Variants in STYK1 observed in about 807,000 individuals in gnomAD.
STYK1 encodes tyrosine-protein kinase STYK1.
Under a neutral mutation model 48.1 loss-of-function variants are expected in STYK1, and 46 were observed. The ratio of observed to expected loss-of-function variants is 0.96; its 90% confidence interval spans 0.75 to 1.22. The LOEUF (loss-of-function observed/expected upper bound fraction) is 1.22, where lower values mean the gene tolerates loss of function less well. Among genes scored for constraint, STYK1 ranks in the 50% most tolerant of loss-of-function variants. STYK1 has a pLI of 0.00. For missense variants in STYK1, 527 were observed against 521.1 expected, an observed-to-expected ratio of 1.01 and a Z score of -0.11; for synonymous variants, 188 against 189.0, an observed-to-expected ratio of 0.99 and a Z score of 0.04.
intron 1 of STYK1, among the ~76,000 whole-genome samples, chr12:10,647,877 A>G (rs1325156149): frequency 6.6e-6 from 1 of 152,178 alleles, no homozygotes; most frequent in Non-Finnish European, 1.5e-5. Flanking sequence ...CATTCACATA[A>G]GATGTGACTT....
At chr12:10,649,621 C>T (rs1947637680) in intron 1 of STYK1, among the ~76,000 whole-genome samples, 1 of 151,962 alleles carries the variant, frequency 6.6e-6, no homozygotes, top group African/African-American at 2.4e-5. Context: ...TTCTATTTTC[C>T]AAATGGAATG....
chr12:10,670,122 C>T (rs1027218422), intron 1 of STYK1, among the ~76,000 whole-genome samples: 1 of 152,126 alleles, frequency 6.6e-6, no homozygotes, highest in Non-Finnish European at 1.5e-5. Context: ...TCCCACTATT[C>T]GGTATACATC....
chr12:10,665,902 T>C (rs1261365106), intron 1 of STYK1, among the ~76,000 whole-genome samples: 1 of 152,176 alleles, frequency 6.6e-6, no homozygotes, highest in African/African-American at 2.4e-5. Context: ...AGGGAAGCCA[T>C]GTGGTTTCAC....
At chr12:10,642,560 A>C (rs972655876) in intron 1 of STYK1, among the ~76,000 whole-genome samples, 4 of 152,222 alleles carry the variant, frequency 2.6e-5, no homozygotes, top group African/African-American at 9.6e-5. Flanking sequence ...TGTATCAATC[A>C]GGTAAACATG....
intron 5 of STYK1, 72 bp from the exon 6 acceptor site, chr12:10,629,746 G>A (rs915877892): frequency 1.7e-5 from 27 of 1,570,830 alleles, no homozygotes; most frequent in Non-Finnish European, 2.2e-5. Context: ...GGGAGCAGGA[G>A]GCAACTTAAG....
chr12:10,620,278 G>A lies in STYK1; in HGVS notation c.1135C>T (p.Arg379Cys), dbSNP rs138533962. The A allele has an allele frequency of 2.5e-5, 40 of 1,613,912 alleles. 1 individual carries two copies. The South Asian group carries it at 3.4e-4, about 14-fold the overall frequency. The change falls in exon 11 of 11, where the codon CGC becomes TGC. Residue 379 changes from arginine to cysteine, a missense_variant. By Grantham distance (180) the Arg-to-Cys change is radical (BLOSUM62 -3). Coordinates refer to ENST00000075503, the MANE Select transcript of STYK1 (RefSeq NM_018423.3). ...GCAGTTTTAATGGCAGCTTCTAGGC[G>A]CAAGCGCAGCTCTCTAGGTGAGGGG... The part of the protein sequence containing the change: ...DRPSPRELRL[R>C]LEAAIKTADD...
chr12:10,634,470 ACT>A (rs1188394859), intron 3 of STYK1, 95 bp downstream of exon 3: 1 of 1,348,100 alleles, frequency 7.4e-7, no homozygotes, highest in Admixed American at 1.7e-5. Context: ...CTTCATTTCT[ACT>A]GGAAATCAAA....
intron 7 of STYK1, among the ~76,000 whole-genome samples, chr12:10,625,507 G>A (rs1306223475): frequency 3.9e-5 from 6 of 152,086 alleles, no homozygotes; most frequent in South Asian, 2.1e-4. Context: ...ATGAGCCACT[G>A]CACCCGGCCT....
At chr12:10,669,116 A>G (rs1182792801) in intron 1 of STYK1, among the ~76,000 whole-genome samples, 1 of 152,248 alleles carries the variant, frequency 6.6e-6, no homozygotes, top group Non-Finnish European at 1.5e-5. Context: ...GGCATATATC[A>G]GAATTCATAT....
chr12:10,653,205 T>A (rs1947681294), intron 1 of STYK1, among the ~76,000 whole-genome samples: 1 of 151,682 alleles, frequency 6.6e-6, no homozygotes, highest in South Asian at 2.1e-4. Flanking sequence ...CCCGAGTAGC[T>A]GGGACTACAG....
chr12:10,625,498 T>C (rs1481658153), intron 7 of STYK1, among the ~76,000 whole-genome samples: 3 of 152,182 alleles, frequency 2.0e-5, no homozygotes, highest in South Asian at 2.1e-4. Flanking sequence ...ATTACAGGCA[T>C]GAGCCACTGC....
chr12:10,643,384 T>C (rs531432635), intron 1 of STYK1, among the ~76,000 whole-genome samples: 1 of 152,186 alleles, frequency 6.6e-6, no homozygotes, highest in Non-Finnish European at 1.5e-5. Flanking sequence ...ACCCATTACC[T>C]TTATGTTCTG....
rs531432635 is a variant in STYK1 at position 10,643,384 on chromosome 12, T to G, written c.-194-6188A>C. Among the ~76,000 whole-genome samples, 5 of 152,304 alleles carry G rather than the reference T, an allele frequency of 3.3e-5. No individual in the cohort carries two copies. The East Asian group carries it at 7.7e-4, about 24-fold the overall frequency. ...CATTCACACCCCTGAACCCATTACC[T>G]TTATGTTCTGCTGGCCACACTGAAA... On this transcript the variant is annotated intron_variant, in intron 1 of 10. Transcript: ENST00000075503.
intron 1 of STYK1, among the ~76,000 whole-genome samples, chr12:10,646,299 T>C (rs558184413): frequency 4.6e-5 from 7 of 152,258 alleles, no homozygotes; most frequent in African/African-American, 1.7e-4. Context: ...AACAATGAAA[T>C]CCAGGCTGAA....
chr12:10,622,022 T>C (rs748240568), intron 9 of STYK1, 50 bp from the exon 10 acceptor site: 1 of 1,504,810 alleles, frequency 6.6e-7, no homozygotes, highest in Non-Finnish European at 9.2e-7. Context: ...AAATATGAAC[T>C]GTAACTAACA....
Position 10,619,040 on chromosome 12 carries a change from AT to A in STYK1, c.*1103del, listed in dbSNP as rs1865863529. 6.6e-6 allele frequency: 1 copy of A among 152,266 alleles called. No homozygotes were observed. Among genetic ancestry groups the A allele is most frequent in the Non-Finnish European group, 1.5e-5 (1 of 68,044 alleles). 9.4% of individuals were successfully genotyped at this position (152,266 alleles called of 1,614,324 possible). A position where few individuals can be genotyped will look rare whatever the true frequency, so the allele number is the denominator to read the frequency against. ...AGAACAACCTTGTGAAATAGGTATT[AT>A]CCCCATTTACACATAAAGAATCCCT... On this transcript the variant is annotated 3_prime_UTR_variant, in exon 11 of 11. Coordinates refer to ENST00000075503, the MANE Select transcript of STYK1 (RefSeq NM_018423.3).
rs565283811 is a variant in STYK1 at position 10,624,882 on chromosome 12, G to C, written c.718-23C>G. On this transcript the variant is annotated intron_variant, in intron 7 of 10. Transcript: ENST00000075503. ...TTCCTGTCAAGATAAAATCAAATAT[G>C]ATCAGCTGTCTGAGATCACAGCTTG... 58 of 1,607,986 alleles carry C rather than the reference G, an allele frequency of 3.6e-5. No individual in the cohort carries two copies. In the South Asian group the frequency reaches 6.4e-4, roughly 18 times the overall value.
intron 1 of STYK1, among the ~76,000 whole-genome samples, chr12:10,644,006 A>G (rs146868180): frequency 6.6e-6 from 1 of 152,346 alleles, no homozygotes; most frequent in African/African-American, 2.4e-5. Context: ...ACTTAGCAAT[A>G]AGAAGGAACA....
intron 1 of STYK1, among the ~76,000 whole-genome samples, chr12:10,639,972 T>C (rs887219996): frequency 6.6e-6 from 1 of 152,230 alleles, no homozygotes; most frequent in African/African-American, 2.4e-5. Context: ...AGGGTGTCCA[T>C]ATAGGAACCT....
Sources: gnomAD v4.1 joint callset for allele counts (sites outside exome capture counted in the v4.1 genomes callset) on GRCh38, gnomAD v4.1.1 for gene constraint, MANE v1.5 for transcripts, NCBI Gene and HGNC (gene_info 2026-07-23, HGNC 2026-07-21) for gene names.